The following RGS3 variants were observed in gnomAD, a reference collection of about 807,000 sequenced individuals.
The protein encoded by RGS3 is regulator of G protein signaling 3, also known as regulator of G-protein signalling 3.
RGS3 carries 80 observed loss-of-function variants against 132.6 expected under a neutral mutation model. That is an observed-to-expected ratio of 0.60 (90% CI 0.50 to 0.73). The LOEUF (loss-of-function observed/expected upper bound fraction) is 0.73, where lower values mean the gene tolerates loss of function less well. RGS3 is among the 30% of genes least tolerant of loss of function. The pLI is 0.00. For missense variants in RGS3, 1,382 were observed against 1,530.8 expected (o/e 0.90, Z 1.62); for synonymous variants, 598 against 620.6 (o/e 0.96, Z 0.54).
chr9:113,517,392 T>G (rs1831732054), intron 15 of RGS3, 149 bp from the exon 14 acceptor site: 1 of 709,738 alleles, frequency 1.4e-6, no homozygotes. Flanking sequence ...TATGAGGGGG[T>G]GTGTGGGTTC....
chr9:113,584,021 G>A (rs767623246), exon 20 of RGS3: 3 of 1,614,020 alleles, frequency 1.9e-6, no homozygotes, highest in African/African-American at 2.7e-5. Flanking sequence ...CAGAAGGCAG[G>A]GGCAGAGCAG....
At position 113,497,415 on chromosome 9, in the gene RGS3, A is replaced by G. The variant is rs371988865; in HGVS notation, c.841+11A>G. On this transcript the variant is annotated intron_variant, in intron 9 of 24. Transcript: ENST00000350696. ...TGCGGCCGCTGAGAGGTACCTGCAC[A>G]CCCCCTTCAGCTTCCCTTCCCAGGA... The G allele has an allele frequency of 3.1e-6, 5 of 1,609,158 alleles. No individual in the cohort carries two copies. The highest frequency in any genetic ancestry group is 1.3e-5 in the African/African-American group (1 of 74,754).
At chr9:113,495,919 C>T (rs970077400) in intron 8 of RGS3, 73 bp downstream of exon 6, 1 of 1,330,800 alleles carries the variant, frequency 7.5e-7, no homozygotes, top group Non-Finnish European at 1.1e-6. Context: ...GTTTCTCTGT[C>T]AGCTCTTGGG....
intron 3 of RGS3, among the ~76,000 whole-genome samples, chr9:113,475,808 C>T (rs1829975208): frequency 6.6e-6 from 1 of 152,090 alleles, no homozygotes; most frequent in Non-Finnish European, 1.5e-5. Flanking sequence ...GAAAGGATGC[C>T]AAATTAGCTG....
At chr9:113,478,303 T>G (rs1400083508) in intron 3 of RGS3, among the ~76,000 whole-genome samples, 2 of 152,178 alleles carry the variant, frequency 1.3e-5, no homozygotes, top group Admixed American at 1.3e-4. Context: ...TTCCTTTCTT[T>G]TTAATTATAG....
At position 113,463,578 on chromosome 9, in the gene RGS3, G is replaced by C; in HGVS notation, c.415+1377G>C. ...CCGTCGCTGCTCAGCGCGGGTCGGC[G>C]GCGCCGCCTCCCCCACCCCGGCCCA... is the stretch of plus-strand genomic sequence containing the variant. On this transcript the variant is annotated intron_variant, in intron 3 of 24. Transcript: ENST00000350696. The surrounding 1 kb of genome is among the most constrained non-coding windows in gnomAD (Gnocchi z 4.6). 2.0e-6 allele frequency: 1 copy of C among 506,554 alleles called. No individual in the cohort carries two copies. The highest frequency in any genetic ancestry group is 2.5e-6 in the Non-Finnish European group (1 of 392,306). The allele number at this position is 506,554 out of a possible 1,614,324, so 31.4% of individuals were successfully genotyped here. A position where few individuals can be genotyped will look rare whatever the true frequency, so the allele number is the denominator to read the frequency against.
chr9:113,523,949 C>T (rs563333154), intron 17 of RGS3, among the ~76,000 whole-genome samples: 2 of 152,336 alleles, frequency 1.3e-5, no homozygotes, highest in African/African-American at 2.4e-5. Context: ...TCTCACTTCC[C>T]CACAGGAAGC....
At chr9:113,493,129 A>G (rs1456540270) in intron 7 of RGS3, among the ~76,000 whole-genome samples, 2 of 152,242 alleles carry the variant, frequency 1.3e-5, no homozygotes, top group Admixed American at 6.5e-5. Context: ...GGACTTTGGC[A>G]AAGTCTTGCC....
intron 15 of RGS3, 78 bp downstream of exon 13, chr9:113,514,732 A>T (rs1831568385): frequency 1.3e-5 from 18 of 1,420,112 alleles, no homozygotes; most frequent in Non-Finnish European, 1.7e-5. Flanking sequence ...GGACTCAGGG[A>T]TGATGACTTA....
chr9:113,461,664 G>A (rs1829472052), intron 1 of RGS3: 9 of 1,586,494 alleles, frequency 5.7e-6, no homozygotes, highest in Non-Finnish European at 7.7e-6. Context: ...TCCCATTACC[G>A]GGTGTAAGTG....
At chr9:113,468,109 C>T (rs1829709252) in intron 3 of RGS3, among the ~76,000 whole-genome samples, 1 of 152,200 alleles carries the variant, frequency 6.6e-6, no homozygotes, top group Admixed American at 6.5e-5. Flanking sequence ...TCTCAGAATT[C>T]ACTGCCAAAT....
chr9:113,565,322 C>G lies in RGS3; in HGVS notation c.2038-18128C>G, dbSNP rs1257923948. ...TTTCTGTTTAATGGAAGAAAGAAAT[C>G]CAGCCTCTCTCCAGAGTGGCGGTGG... On this transcript the variant is annotated intron_variant, in intron 19 of 24. Coordinates refer to ENST00000350696, the Ensembl canonical transcript of RGS3. The surrounding 1 kb of genome is among the most constrained non-coding windows in gnomAD (Gnocchi z 5.7). The G allele has an allele frequency of 9.3e-6, 12 of 1,289,482 alleles. No individual in the cohort carries two copies. The highest frequency in any genetic ancestry group is 1.2e-5 in the Non-Finnish European group (12 of 988,786). 79.9% of individuals were successfully genotyped at this position (1,289,482 alleles called of 1,614,324 possible). A position where few individuals can be genotyped will look rare whatever the true frequency, so the allele number is the denominator to read the frequency against.
Position 113,534,778 on chromosome 9 carries a change from A to AT in RGS3, c.1915-2009dup, listed in dbSNP as rs201244273. Among the ~76,000 whole-genome samples, 171 of 151,202 alleles carry AT rather than the reference A, an allele frequency of 1.1e-3. 1 individual carries two copies. Among genetic ancestry groups the AT allele is most frequent in the African/African-American group, 3.9e-3 (162 of 41,180 alleles). On this transcript the variant is annotated intron_variant, in intron 18 of 24. Coordinates refer to ENST00000350696, the Ensembl canonical transcript of RGS3. ...AAGCGCACACCACCACACCCAATTAATTTTTTTTTAAAACTTTTGGTAGAG... is the reference window on the plus strand; with the variant it reads ...AAGCGCACACCACCACACCCAATTAATTTTTTTTTTAAAACTTTTGGTAGAG...
intron 19 of RGS3, among the ~76,000 whole-genome samples, chr9:113,541,053 C>T (rs1832881745): frequency 6.6e-6 from 1 of 152,222 alleles, no homozygotes; most frequent in Admixed American, 6.5e-5. Flanking sequence ...ACAACTGCTC[C>T]ATGTCACTTC....
At chr9:113,465,298 T>G (rs983567549) in intron 3 of RGS3, among the ~76,000 whole-genome samples, 1 of 152,194 alleles carries the variant, frequency 6.6e-6, no homozygotes. Context: ...TTTTTCCTCC[T>G]TATTATCATG....
At chr9:113,482,964 C>A in intron 4 of RGS3, 95 bp from the exon 3 acceptor site, 2 of 1,599,870 alleles carry the variant, frequency 1.3e-6, no homozygotes, top group Non-Finnish European at 1.7e-6. Context: ...TCTCTTTATT[C>A]GTGTGGATGG....
Position 113,564,922 on chromosome 9 carries a change from G to A in RGS3, c.2038-18528G>A. On this transcript the variant is annotated intron_variant, in intron 19 of 24. Transcript: ENST00000350696. ...CAGCGTCGGGGTGGGGGTGTGACAG[G>A]GAAGCCTCGGTGCCTCGGTGATTGG... 3 of 995,914 alleles carry A rather than the reference G, an allele frequency of 3.0e-6. No homozygotes were observed. The African/African-American group carries it at 5.2e-5, about 17-fold the overall frequency. 61.7% of individuals were successfully genotyped at this position (995,914 alleles called of 1,614,324 possible). A position where few individuals can be genotyped will look rare whatever the true frequency, so the allele number is the denominator to read the frequency against.
chr9:113,554,923 C>T (rs969348259), intron 19 of RGS3, among the ~76,000 whole-genome samples: 2 of 151,980 alleles, frequency 1.3e-5, no homozygotes, highest in African/African-American at 4.8e-5. Flanking sequence ...AAATTTTATT[C>T]AGCTACTTTT....
chr9:113,563,459 T>G (rs1470551387), intron 19 of RGS3, among the ~76,000 whole-genome samples: 4 of 152,150 alleles, frequency 2.6e-5, no homozygotes, highest in African/African-American at 9.7e-5. Flanking sequence ...CTCCCCACCC[T>G]AAGAAATCTT....
Sources: gnomAD v4.1 joint callset for allele counts (sites outside exome capture counted in the v4.1 genomes callset) on GRCh38, gnomAD v4.1.1 for gene constraint, Gnocchi (gnomAD v3.1) non-coding constraint, MANE v1.5 for transcripts, NCBI Gene and HGNC (gene_info 2026-07-23, HGNC 2026-07-21) for gene names.